The following UBE2D2 variants were observed in gnomAD, a reference collection of about 807,000 sequenced individuals.
UBE2D2 encodes the protein ubiquitin-conjugating enzyme E2 D2.
Under a neutral mutation model 24.2 loss-of-function variants are expected in UBE2D2, and 2 were observed. The ratio of observed to expected loss-of-function variants is 0.08; its 90% CI spans 0.03 to 0.26. The LOEUF (loss-of-function observed/expected upper bound fraction) is 0.26, where lower values mean the gene tolerates loss of function less well. UBE2D2 is among the 10% of genes least tolerant of loss of function. UBE2D2 has a pLI of 1.00. For missense variants in UBE2D2, 44 were observed against 177.6 expected (o/e 0.25, Z 4.28); for synonymous variants, 58 against 56.5 (o/e 1.03, Z -0.12).
chr5:139,580,624 T>A (rs1753580175), intron 1 of UBE2D2, among the ~76,000 whole-genome samples: 1 of 152,158 alleles, frequency 6.6e-6, no homozygotes, highest in Non-Finnish European at 1.5e-5. Flanking sequence ...TTTCTTGTAT[T>A]TTTAGTAGAG....
chr5:139,595,838 A>G (rs1753946692), intron 1 of UBE2D2, among the ~76,000 whole-genome samples: 2 of 151,358 alleles, frequency 1.3e-5, no homozygotes, highest in African/African-American at 2.4e-5. Flanking sequence ...TTTCCTTCCT[A>G]AAGGCAATTA....
chr5:139,536,300 C>T (rs1428230543), intron 1 of UBE2D2, among the ~76,000 whole-genome samples: 1 of 151,654 alleles, frequency 6.6e-6, no homozygotes, highest in Non-Finnish European at 1.5e-5. Context: ...GGTTTCTCCA[C>T]ATTGGTCAGG....
intron 1 of UBE2D2, among the ~76,000 whole-genome samples, chr5:139,550,694 G>A (rs764825725): frequency 1.3e-4 from 20 of 151,884 alleles, no homozygotes; most frequent in Non-Finnish European, 2.8e-4. Context: ...TGAGGCCACC[G>A]AGACCATGAA....
intron 2 of UBE2D2, among the ~76,000 whole-genome samples, chr5:139,605,763 G>A (rs1754185105): frequency 1.4e-5 from 2 of 148,124 alleles, no homozygotes; most frequent in Admixed American, 6.8e-5. Context: ...TTTAAAGGCA[G>A]GGGCTCACTC....
At chr5:139,584,309 C>A (rs1753669356) in intron 1 of UBE2D2, among the ~76,000 whole-genome samples, 1 of 151,992 alleles carries the variant, frequency 6.6e-6, no homozygotes, top group South Asian at 2.1e-4. Context: ...GGCTGTATAC[C>A]ATGTGGCCTA....
intron 5 of UBE2D2, among the ~76,000 whole-genome samples, chr5:139,616,970 C>T (rs1218647636): frequency 6.6e-6 from 1 of 152,008 alleles, no homozygotes; most frequent in African/African-American, 2.4e-5. Flanking sequence ...TGACTTGAGA[C>T]CAGGAGTTCG....
At chr5:139,590,530 C>G (rs1414898147) in intron 1 of UBE2D2, among the ~76,000 whole-genome samples, 9 of 151,340 alleles carry the variant, frequency 5.9e-5, no homozygotes, top group African/African-American at 1.9e-4. Context: ...TGAGGGAAAG[C>G]AAAGTACAGA....
chr5:139,533,248 A>C (rs2126627587), intron 1 of UBE2D2, among the ~76,000 whole-genome samples: 1 of 152,188 alleles, frequency 6.6e-6, no homozygotes, highest in Admixed American at 6.5e-5. Flanking sequence ...CAGTGGTGCA[A>C]TCTCAGCTCA....
chr5:139,600,503 T>C (rs2126685963), intron 2 of UBE2D2, 68 bp downstream of exon 2: 1 of 1,532,826 alleles, frequency 6.5e-7, no homozygotes, highest in Non-Finnish European at 9.0e-7. Flanking sequence ...GAAACAATTA[T>C]GGTATAGGGA....
chr5:139,603,644 A>G (rs1754130309), intron 2 of UBE2D2, among the ~76,000 whole-genome samples: 1 of 149,314 alleles, frequency 6.7e-6, no homozygotes, highest in African/African-American at 2.5e-5. Context: ...AAAAAAAAAA[A>G]AAGGCTGGGT....
rs770916398 is a variant in UBE2D2 at position 139,627,979 on chromosome 5, C to G, written c.*1178C>G. 3 of 152,612 alleles carry G rather than the reference C, an allele frequency of 2.0e-5. No homozygotes were observed. Among genetic ancestry groups the G allele is most frequent in the Non-Finnish European group, 4.4e-5 (3 of 68,030 alleles). 9.5% of individuals were successfully genotyped at this position (152,612 alleles called of 1,614,324 possible). A position where few individuals can be genotyped will look rare whatever the true frequency, so the allele number is the denominator to read the frequency against. ...TTAATGAAACTAAGCTGCATTTCATCAAAACCTTGTGACATTCCCTTGGTA... is the reference window on the plus strand; with the variant it reads ...TTAATGAAACTAAGCTGCATTTCATGAAAACCTTGTGACATTCCCTTGGTA... On this transcript the variant is annotated 3_prime_UTR_variant, in exon 7 of 7. Transcript: ENST00000398733.
At chr5:139,575,135 G>C (rs572078280) in intron 1 of UBE2D2, among the ~76,000 whole-genome samples, 1 of 152,114 alleles carries the variant, frequency 6.6e-6, no homozygotes, top group Non-Finnish European at 1.5e-5. Context: ...TCACCCTCCC[G>C]TACTTGCTCT....
chr5:139,599,053 C>T (rs1739110123), intron 1 of UBE2D2, among the ~76,000 whole-genome samples: 1 of 150,912 alleles, frequency 6.6e-6, no homozygotes, highest in East Asian at 1.9e-4. Context: ...TGTAGCCTCC[C>T]GAGTAGCTGG....
chr5:139,590,349 C>T (rs999381639), intron 1 of UBE2D2, among the ~76,000 whole-genome samples: 3 of 151,068 alleles, frequency 2.0e-5, no homozygotes, highest in Admixed American at 2.0e-4. Context: ...GCAGGAGAAT[C>T]GCTTGAACCC....
At chr5:139,527,113 A>G (rs953836558) in intron 1 of UBE2D2, among the ~76,000 whole-genome samples, 1 of 152,234 alleles carries the variant, frequency 6.6e-6, no homozygotes, top group Non-Finnish European at 1.5e-5. Context: ...ATGACACCAG[A>G]AAAACTTAGA....
intron 1 of UBE2D2, among the ~76,000 whole-genome samples, chr5:139,575,006 C>G (rs972504840): frequency 1.3e-5 from 2 of 152,158 alleles, no homozygotes; most frequent in African/African-American, 4.8e-5. Context: ...CCATCATTAG[C>G]TGAATATGTA....
At position 139,626,869 on chromosome 5, in the gene UBE2D2, A is replaced by T. The variant is rs1754642362; in HGVS notation, c.*68A>T. 7.7e-6 allele frequency: 11 copies of T among 1,428,270 alleles called. No homozygotes were observed. Among genetic ancestry groups the T allele is most frequent in the Non-Finnish European group, 1.1e-5 (11 of 1,022,778 alleles). The allele number at this position is 1,428,270 out of a possible 1,614,324, so 88.5% of individuals were successfully genotyped here. A position where few individuals can be genotyped will look rare whatever the true frequency, so the allele number is the denominator to read the frequency against. On this transcript the variant is annotated 3_prime_UTR_variant, in exon 7 of 7. Transcript: ENST00000398733. ...AACTCTGAAAGAGAAAGTCCTTTTG[A>T]TTTCCATTTGACTGCTTTCTATGAG...
intron 1 of UBE2D2, among the ~76,000 whole-genome samples, chr5:139,572,252 T>G (rs941900078): frequency 4.6e-5 from 7 of 152,194 alleles, no homozygotes; most frequent in Non-Finnish European, 8.8e-5. Context: ...CAAAGTAGTA[T>G]TGTTGATGGA....
At chr5:139,559,425 C>CA (rs113176227), upstream of UBE2D2, among the ~76,000 whole-genome samples, 1,338 of 108,264 alleles carry the variant, frequency 0.012, 8 homozygotes, top group Middle Eastern at 0.038. Flanking sequence ...GACTCCGTCT[C>CA]AAAAAAAAAA....
Sources: gnomAD v4.1 joint callset for allele counts (sites outside exome capture counted in the v4.1 genomes callset) on GRCh38, gnomAD v4.1.1 for gene constraint, MANE v1.5 for transcripts, NCBI Gene and HGNC (gene_info 2026-07-23, HGNC 2026-07-21) for gene names.